Variants in PHIP observed in about 807,000 individuals in gnomAD.
PHIP encodes the protein PH-interacting protein.
Under a neutral mutation model 236.8 loss-of-function variants are expected in PHIP, and 54 were observed. The ratio of observed to expected loss-of-function variants is 0.23; its 90% confidence interval spans 0.18 to 0.29. PHIP has a LOEUF of 0.29. Ranked by LOEUF, PHIP falls within the 10% of genes least tolerant of loss-of-function variation. PHIP has a pLI of 1.00. For synonymous variants in PHIP, 756 were observed against 718.9 expected (o/e 1.05, Z -0.83); for missense variants, 1,370 against 2,190.8 (o/e 0.63, Z 7.48).
chr6:78,936,419 T>C lies in PHIP; in HGVS notation c.*4274A>G, dbSNP rs897266192. On this transcript the variant is annotated 3_prime_UTR_variant, in exon 40 of 40. Transcript: ENST00000275034. ...TCCAAAAATGTAACTTTGTATTGTC[T>C]CATGTTATAGTCTATCATTGTGACT... is the stretch of plus-strand genomic sequence containing the variant. The C allele has an allele frequency of 6.6e-6, 1 of 151,856 alleles. No individual in the cohort carries two copies. The allele number at this position is 151,856 out of a possible 1,614,324, so 9.4% of individuals were successfully genotyped here.
chr6:79,063,825 G>A (rs1004977572), intron 4 of PHIP, among the ~76,000 whole-genome samples: 6 of 152,140 alleles, frequency 3.9e-5, no homozygotes, highest in African/African-American at 1.4e-4. Flanking sequence ...TCTTACTTAA[G>A]TGGCATCAGG....
chr6:78,978,440 C>T, intron 24 of PHIP, 152 bp downstream of exon 24: 1 of 444,876 alleles, frequency 2.2e-6, no homozygotes, highest in East Asian at 3.5e-5. Context: ...ACTTTCACTC[C>T]TAATTGTACT....
chr6:79,016,519 T>C (rs1267504363), intron 13 of PHIP, 25 bp downstream of exon 13: 1 of 1,429,026 alleles, frequency 7.0e-7, no homozygotes, highest in Admixed American at 1.7e-5. Flanking sequence ...AATATATACA[T>C]AATATTTCAA....
chr6:79,013,066 G>A (rs1283109251), intron 15 of PHIP, among the ~76,000 whole-genome samples: 1 of 151,732 alleles, frequency 6.6e-6, no homozygotes, highest in Non-Finnish European at 1.5e-5. Context: ...ATGGGTTTAT[G>A]CTCCAAGTGC....
intron 35 of PHIP, among the ~76,000 whole-genome samples, chr6:78,951,453 A>G (rs1354778750): frequency 6.6e-6 from 1 of 152,208 alleles, no homozygotes; most frequent in Non-Finnish European, 1.5e-5. Flanking sequence ...ATAAAAGATG[A>G]AATATGAAGT....
In PHIP at chr6:78,946,146, G is replaced by A. The variant is rs1474049210; in HGVS notation, c.4485C>T (p.Asn1495=). 5.6e-6 allele frequency: 9 copies of A among 1,614,054 alleles called. No individual in the cohort carries two copies. Among genetic ancestry groups the A allele is most frequent in the South Asian group, 2.2e-5 (2 of 91,076 alleles). The change falls in exon 38 of 40, where the codon AAC becomes AAT. Residue 1495 remains asparagine (N), a synonymous_variant. Coordinates refer to ENST00000275034, the MANE Select transcript of PHIP (RefSeq NM_017934.7). ...IPPRHNAAQI[N]GKTESSSVVR... is the part of the protein sequence containing the mutation. ...CCACAGAACTAGATTCTGTTTTACC[G>A]TTTATCTGAGCAGCATTGTGTCTTG...
At chr6:79,056,443 T>C (rs1773076084) in intron 6 of PHIP, among the ~76,000 whole-genome samples, 2 of 152,124 alleles carry the variant, frequency 1.3e-5, no homozygotes. Flanking sequence ...ATTAAAATGG[T>C]TGACACTATC....
At chr6:79,007,221 G>A (rs556903482) in intron 15 of PHIP, among the ~76,000 whole-genome samples, 4 of 151,852 alleles carry the variant, frequency 2.6e-5, no homozygotes, top group African/African-American at 9.7e-5. Flanking sequence ...CTTTTTTGAG[G>A]GAAGGTACTA....
chr6:78,975,694 ATG>A (rs1768002466), intron 24 of PHIP, among the ~76,000 whole-genome samples: 1 of 152,220 alleles, frequency 6.6e-6, no homozygotes, highest in Admixed American at 6.5e-5. Context: ...TACAAAATCA[ATG>A]TGCAAAAATC....
intron 31 of PHIP, among the ~76,000 whole-genome samples, chr6:78,961,034 T>C (rs1260030765): frequency 6.6e-6 from 1 of 151,998 alleles, no homozygotes; most frequent in Non-Finnish European, 1.5e-5. Context: ...AAAACAGGAT[T>C]CCATTATTTA....
chr6:78,985,861 C>T (rs1029951036), intron 21 of PHIP, among the ~76,000 whole-genome samples: 14 of 152,128 alleles, frequency 9.2e-5, no homozygotes, highest in Admixed American at 3.9e-4. Context: ...GAGTCAGCTG[C>T]TTCTCTTTAA....
chr6:78,996,543 A>C (rs1353827500), intron 19 of PHIP, among the ~76,000 whole-genome samples: 5 of 152,206 alleles, frequency 3.3e-5, no homozygotes, highest in African/African-American at 1.2e-4. Flanking sequence ...CAAGAATCTA[A>C]CTAAAAATAT....
At chr6:78,948,489 A>T (rs1773953849) in intron 35 of PHIP, among the ~76,000 whole-genome samples, 1 of 152,064 alleles carries the variant, frequency 6.6e-6, no homozygotes, top group Non-Finnish European at 1.5e-5. Flanking sequence ...GCAGGGACAA[A>T]GAGTATTGTA....
intron 15 of PHIP, among the ~76,000 whole-genome samples, chr6:79,012,839 A>C (rs1770658929): frequency 6.6e-6 from 1 of 151,792 alleles, no homozygotes; most frequent in Admixed American, 6.6e-5. Context: ...AAGAGCAAAA[A>C]GAATTAGGGC....
At chr6:79,059,626 A>ATATATATATAT (rs1562216785) in intron 6 of PHIP, among the ~76,000 whole-genome samples, 627 of 42,632 alleles carry the variant, frequency 0.015, 1 homozygote, top group Non-Finnish European at 0.02. Flanking sequence ...TATATATATA[A>ATATATATATAT]AAATGCCAAA....
At chr6:79,039,202 C>A (rs1479498918) in intron 7 of PHIP, among the ~76,000 whole-genome samples, 1 of 152,144 alleles carries the variant, frequency 6.6e-6, no homozygotes, top group African/African-American at 2.4e-5. Flanking sequence ...GAAAAGAAAC[C>A]CACTATTTAG....
rs750095261 is a variant in PHIP at position 78,945,384 on chromosome 6, C to T, written c.4744G>A (p.Glu1582Lys). 1 of 1,613,524 alleles carries T rather than the reference C, an allele frequency of 6.2e-7. No homozygotes were observed. Among genetic ancestry groups the T allele is most frequent in the Non-Finnish European group, 8.5e-7 (1 of 1,179,532 alleles). Reference protein sequence around the residue: ...NNSAKENMEKEKPVKRKMKSS... With the variant: ...NNSAKENMEKKKPVKRKMKSS... ...TTCATTTTACGTTTGACTGGCTTTT[C>T]CTTTTCCATGTTTTCTTTTGCAGAA... is the stretch of plus-strand genomic sequence containing the variant. Residue 1582 changes from glutamate to lysine, a missense_variant, in exon 39 of 40, where the codon GAA (glutamate) becomes AAA (lysine). Glu to Lys is a moderately conservative substitution (Grantham distance 56, BLOSUM62 1). Around this residue, in one of 14 missense-constraint regions of PHIP, gnomAD observed 309 missense variants for 328.3 expected, o/e 0.94. Coordinates refer to ENST00000275034, the MANE Select transcript of PHIP (RefSeq NM_017934.7).
chr6:79,054,240 C>A (rs1259041331), intron 6 of PHIP, among the ~76,000 whole-genome samples: 1 of 145,538 alleles, frequency 6.9e-6, no homozygotes, highest in Non-Finnish European at 1.5e-5. Context: ...AATAAAACAA[C>A]AAAACCTGTG....
At chr6:78,997,242 G>C (rs1475007965) in intron 19 of PHIP, among the ~76,000 whole-genome samples, 172 bp downstream of exon 19, 1 of 151,958 alleles carries the variant, frequency 6.6e-6, no homozygotes, top group Non-Finnish European at 1.5e-5. Flanking sequence ...AATCATTCTA[G>C]AAATAAATAT....
Sources: allele counts gnomAD v4.1 joint callset (sites outside exome capture counted in the v4.1 genomes callset), GRCh38; gene constraint gnomAD v4.1.1; regional missense constraint gnomAD v4.1.1; transcripts MANE v1.5; gene names NCBI Gene and HGNC (gene_info 2026-07-23, HGNC 2026-07-21).